KCNQ3: variants seen among roughly 807,000 people sequenced by gnomAD.
KCNQ3 encodes potassium voltage-gated channel subfamily Q member 3.
In KCNQ3, 30 loss-of-function variants were observed where a neutral mutation model predicts 92.5. That is an observed-to-expected ratio of 0.32 (90% CI 0.24 to 0.44). The LOEUF (loss-of-function observed/expected upper bound fraction) is 0.44, where lower values mean the gene tolerates loss of function less well. Ranked by LOEUF, KCNQ3 falls within the 20% of genes least tolerant of loss-of-function variation. The pLI, the probability that KCNQ3 is intolerant of heterozygous loss-of-function variation, is 1.00. For missense variants in KCNQ3, 913 were observed against 1,140.3 expected (o/e 0.80, Z 2.87); for synonymous variants, 450 against 468.8 (o/e 0.96, Z 0.52).
At chr8:132,272,879 A>C (rs1267021472) in intron 1 of KCNQ3, among the ~76,000 whole-genome samples, 1 of 152,100 alleles carries the variant, frequency 6.6e-6, no homozygotes, top group Non-Finnish European at 1.5e-5. Context: ...ACATTTCAAA[A>C]CCAATCATGC....
At chr8:132,418,847 T>C (rs550913968) in intron 1 of KCNQ3, among the ~76,000 whole-genome samples, 1 of 152,078 alleles carries the variant, frequency 6.6e-6, no homozygotes, top group Non-Finnish European at 1.5e-5. Flanking sequence ...GTAAGTGGTG[T>C]TGGGGTGTGG....
intron 12 of KCNQ3, among the ~76,000 whole-genome samples, chr8:132,134,930 C>T (rs1423672304): frequency 4.6e-5 from 7 of 152,122 alleles, no homozygotes; most frequent in Admixed American, 4.6e-4. Context: ...AAAGATAGAT[C>T]CAACACCAGC....
chr8:132,446,344 T>C (rs2130844711), intron 1 of KCNQ3, among the ~76,000 whole-genome samples: 1 of 152,302 alleles, frequency 6.6e-6, no homozygotes, highest in South Asian at 2.1e-4. Context: ...TGCCACACAT[T>C]AGCTTGACCT....
At chr8:132,394,022 C>T (rs147268631) in intron 1 of KCNQ3, among the ~76,000 whole-genome samples, 30 of 152,304 alleles carry the variant, frequency 2.0e-4, no homozygotes, top group African/African-American at 7.2e-4. Flanking sequence ...TAGTCAGACC[C>T]AGGCTCCACA....
chr8:132,172,179 A>G (rs1826388640), intron 7 of KCNQ3, among the ~76,000 whole-genome samples: 1 of 151,874 alleles, frequency 6.6e-6, no homozygotes, highest in African/African-American at 2.4e-5. Context: ...GAGTCTCAAA[A>G]AAAACTCAAA....
At chr8:132,385,136 G>A (rs140994256) in intron 1 of KCNQ3, among the ~76,000 whole-genome samples, 11 of 152,320 alleles carry the variant, frequency 7.2e-5, no homozygotes, top group East Asian at 1.9e-4. Context: ...CAACACACAA[G>A]TAAACAGGCA....
chr8:132,223,825 G>C (rs1814315605), intron 1 of KCNQ3, among the ~76,000 whole-genome samples: 1 of 151,990 alleles, frequency 6.6e-6, no homozygotes, highest in African/African-American at 2.4e-5. Flanking sequence ...CCTTAGTAGG[G>C]GGCACAATAC....
rs141424389 is a variant in KCNQ3 at position 132,247,523 on chromosome 8, A to T, written c.387-61342T>A. Among the ~76,000 whole-genome samples, 12 of 152,168 alleles carry T rather than the reference A, an allele frequency of 7.9e-5. No individual in the cohort carries two copies. In the East Asian group the frequency reaches 1.7e-3, roughly 22 times the overall value. On this transcript the variant is annotated intron_variant, in intron 1 of 14. Coordinates refer to ENST00000388996, the MANE Select transcript of KCNQ3 (RefSeq NM_004519.4). ...AGAATATGGCCGGGTGCAGTGGCTC[A>T]CGCCTGTAATCTCAGCACTTTCAGA...
intron 1 of KCNQ3, among the ~76,000 whole-genome samples, chr8:132,454,356 T>G (rs1030427212): frequency 6.6e-6 from 1 of 152,260 alleles, no homozygotes; most frequent in African/African-American, 2.4e-5. Flanking sequence ...ATTAAAATTA[T>G]GTACAGTGTG....
intron 1 of KCNQ3, among the ~76,000 whole-genome samples, chr8:132,231,356 C>G (rs916168591): frequency 6.6e-6 from 1 of 152,146 alleles, no homozygotes; most frequent in African/African-American, 2.4e-5. Flanking sequence ...TCTAGCTTTT[C>G]CTTTGATTTG....
intron 1 of KCNQ3, among the ~76,000 whole-genome samples, chr8:132,219,271 G>C (rs1378427165): frequency 6.6e-6 from 1 of 152,186 alleles, no homozygotes; most frequent in African/African-American, 2.4e-5. Flanking sequence ...GTGATGCCAA[G>C]GCTGTAAGTC....
intron 1 of KCNQ3, among the ~76,000 whole-genome samples, chr8:132,210,977 TTTTGCA>T (rs1159978182): frequency 1.3e-5 from 2 of 152,208 alleles, no homozygotes; most frequent in African/African-American, 2.4e-5. Context: ...CAGAAGTCAC[TTTTGCA>T]TACCTTCCCA....
At chr8:132,143,589 T>C (rs1412553700) in intron 9 of KCNQ3, among the ~76,000 whole-genome samples, 1 of 152,174 alleles carries the variant, frequency 6.6e-6, no homozygotes. Flanking sequence ...GGTCTCCAGT[T>C]TCCTCATGGG....
chr8:132,323,872 G>A (rs553583535), intron 1 of KCNQ3, among the ~76,000 whole-genome samples: 4 of 152,120 alleles, frequency 2.6e-5, no homozygotes, highest in Admixed American at 6.5e-5. Context: ...TCCTCCTTAC[G>A]ATACTTAATA....
intron 13 of KCNQ3, among the ~76,000 whole-genome samples, chr8:132,132,571 T>C (rs1377549064): frequency 6.6e-6 from 1 of 152,264 alleles, no homozygotes; most frequent in Non-Finnish European, 1.5e-5. Context: ...ACCTAGAGTA[T>C]CTAGTTCCTT....
intron 1 of KCNQ3, among the ~76,000 whole-genome samples, chr8:132,327,048 A>T (rs1818076177): frequency 6.6e-6 from 1 of 152,200 alleles, no homozygotes; most frequent in Non-Finnish European, 1.5e-5. Flanking sequence ...AAGACAAAGG[A>T]AGCTTGACTG....
chr8:132,255,807 T>G, intron 1 of KCNQ3, among the ~76,000 whole-genome samples: 1 of 152,214 alleles, frequency 6.6e-6, no homozygotes, highest in African/African-American at 2.4e-5. Context: ...TGAAAAGGAA[T>G]ACAGACCTTA....
intron 1 of KCNQ3, among the ~76,000 whole-genome samples, chr8:132,326,019 A>T (rs1017259755): frequency 1.3e-5 from 2 of 152,172 alleles, no homozygotes; most frequent in African/African-American, 2.4e-5. Context: ...GCAAGTGGCC[A>T]CCCTCAATGG....
Position 132,154,205 on chromosome 8 carries a change from T to TG in KCNQ3, c.1262+9262_1262+9263insC, listed in dbSNP as rs1563775998. Among the ~76,000 whole-genome samples the TG allele has an allele frequency of 9.2e-5, 13 of 141,970 alleles. No homozygotes were observed. In the South Asian group the frequency reaches 1.3e-3, roughly 14 times the overall value. The allele number at this position is 141,970 out of a possible 152,430, so 93.1% of individuals were successfully genotyped here. A position where few individuals can be genotyped will look rare whatever the true frequency, so the allele number is the denominator to read the frequency against. On this transcript the variant is annotated intron_variant, in intron 9 of 14. Coordinates refer to ENST00000388996, the MANE Select transcript of KCNQ3 (RefSeq NM_004519.4). The stretch of plus-strand genomic sequence containing the variant: ...CAAAAGGGTAAAAGTTTTTTTTTTT[T>TG]TTTTTTTTTTTTTTTTTTAGCCAAT...
Sources: allele counts gnomAD v4.1 joint callset (sites outside exome capture counted in the v4.1 genomes callset), GRCh38; gene constraint gnomAD v4.1.1; transcripts MANE v1.5; gene names NCBI Gene and HGNC (gene_info 2026-07-23, HGNC 2026-07-21).